HPX: variants seen among roughly 807,000 people sequenced by gnomAD.
HPX encodes the protein beta-1B-glycoprotein.
HPX carries 42 observed loss-of-function variants against 53.8 expected under a neutral mutation model. The ratio of observed to expected loss-of-function variants is 0.78; its 90% CI spans 0.61 to 1.01. HPX has a LOEUF of 1.01. Ranked by LOEUF, HPX falls within the 50% of genes least tolerant of loss-of-function variation. The probability of loss-of-function intolerance (pLI) is 0.00; values close to 1 mark genes in which losing one functional copy is unlikely to be tolerated. For synonymous variants in HPX, 229 were observed against 221.1 expected (o/e 1.04, Z -0.32); for missense variants, 547 against 594.3 (o/e 0.92, Z 0.83).
chr11:6,435,971 C>T (rs1849410825), intron 7 of HPX, among the ~76,000 whole-genome samples: 1 of 152,180 alleles, frequency 6.6e-6, no homozygotes, highest in African/African-American at 2.4e-5. Flanking sequence ...CTCTCTCTCT[C>T]TTTCTGCATT....
intron 3 of HPX, 44 bp from the exon 4 acceptor site, chr11:6,440,330 T>C (rs778949405): frequency 3.1e-6 from 5 of 1,611,692 alleles, no homozygotes; most frequent in South Asian, 1.1e-5. Context: ...GAGAAACCTT[T>C]GACCTACTGA....
Position 6,437,078 on chromosome 11 carries a change from G to A in HPX, c.803C>T (p.Ser268Phe). The change falls in exon 7 of 10, where the codon TCT (serine) becomes TTT (phenylalanine). Residue 268 changes from serine to phenylalanine, a missense_variant. Physicochemically the swap from Ser to Phe is radical, Grantham distance 155. Transcript: ENST00000265983. The part of the protein sequence containing the change: ...SPHLVLSALT[S>F]DNHGATYAFS... The stretch of plus-strand genomic sequence containing the variant: ...GGCATAGGTGGCACCATGGTTGTCA[G>A]ACGTCAGTGCAGACAAGACTAGATG... 1.9e-6 allele frequency: 3 copies of A among 1,614,196 alleles called. No homozygotes were observed. Among genetic ancestry groups the A allele is most frequent in the Non-Finnish European group, 2.5e-6 (3 of 1,180,026 alleles).
Position 6,432,264 on chromosome 11 carries a change from T to G in HPX, c.836-247A>C, listed in dbSNP as rs987348631. On this transcript the variant is annotated intron_variant, in intron 7 of 9. Coordinates refer to ENST00000265983, the MANE Select transcript of HPX (RefSeq NM_000613.3). ...AAGTGTGGAAAACAGTGGCTAAGTT[T>G]CCAGGTAAGGCCAACATCATGGGGT... 3 of 543,464 alleles carry G rather than the reference T, an allele frequency of 5.5e-6. No individual in the cohort carries two copies. In the East Asian group the frequency reaches 9.5e-5, roughly 17 times the overall value. 33.7% of individuals were successfully genotyped at this position (543,464 alleles called of 1,614,324 possible).
At position 6,432,020 on chromosome 11, in the gene HPX, G is replaced by A. The variant is rs1479108522; in HGVS notation, c.836-3C>T. On this transcript the variant is annotated splice_region_variant and splice_polypyrimidine_tract_variant and intron_variant, in intron 7 of 9. Coordinates refer to ENST00000265983, the MANE Select transcript of HPX (RefSeq NM_000613.3). ...GTCCAGACGCCAGTAGTGGGTCCCT[G>A]TGGAATACCATAGGTTGCTCTAGGG... The A allele has an allele frequency of 6.8e-6, 11 of 1,614,152 alleles. No individual in the cohort carries two copies. The highest frequency in any genetic ancestry group is 9.3e-6 in the Non-Finnish European group (11 of 1,180,014).
At chr11:6,438,657 C>A in intron 4 of HPX, 148 bp from the exon 5 acceptor site, 1 of 717,680 alleles carries the variant, frequency 1.4e-6, no homozygotes, top group Non-Finnish European at 2.3e-6. Flanking sequence ...AATGTGCTGT[C>A]CTTTTGCACA....
chr11:6,433,995 T>C (rs1026636779), intron 7 of HPX, among the ~76,000 whole-genome samples: 30 of 152,220 alleles, frequency 2.0e-4, no homozygotes, highest in African/African-American at 4.1e-4. Context: ...TCTATCCCAC[T>C]ATCCTGTCTT....
intron 5 of HPX, 146 bp from the exon 6 acceptor site, chr11:6,437,798 T>C: frequency 3.1e-6 from 2 of 653,922 alleles, no homozygotes; most frequent in South Asian, 1.8e-5. Context: ...AGGGTGATCA[T>C]ACACCAAAAT....
intron 7 of HPX, among the ~76,000 whole-genome samples, chr11:6,436,766 G>A (rs1215550942): frequency 6.6e-6 from 1 of 152,186 alleles, no homozygotes; most frequent in Non-Finnish European, 1.5e-5. Context: ...ATTGAGCAAG[G>A]AGAACACAAG....
intron 7 of HPX, among the ~76,000 whole-genome samples, chr11:6,432,874 C>T (rs994806779): frequency 1.1e-4 from 16 of 152,152 alleles, no homozygotes; most frequent in Non-Finnish European, 2.1e-4. Context: ...CTCACCTAGT[C>T]CAGGGGCTTT....
intron 7 of HPX, 27 bp downstream of exon 7, chr11:6,437,019 A>G: frequency 6.2e-7 from 1 of 1,612,236 alleles, no homozygotes; most frequent in East Asian, 2.2e-5. Flanking sequence ...GTGAGAGCAC[A>G]TTGGGGGAGT....
At chr11:6,440,567 T>TTAAAAAAAA in intron 2 of HPX, 29 bp from the exon 3 acceptor site, 1 of 589,000 alleles carries the variant, frequency 1.7e-6, no homozygotes, top group Non-Finnish European at 2.7e-6. Context: ...GATGGCAAAG[T>TTAAAAAAAA]AAAAAAAAAA....
At position 6,431,901 on chromosome 11, in the gene HPX, G is replaced by A; in HGVS notation, c.952C>T (p.Leu318Phe). ...VDAAFSWEEK[L>F]YLVQGTQVYV... ...CCAATACACACCTGGACCAGATAGA[G>A]TTTTTCTTCCCAGGAAAAGGCAGCA... The change falls in exon 8 of 10, where the codon CTC becomes TTC. Residue 318 changes from leucine to phenylalanine, a missense_variant. By Grantham distance (22) the Leu-to-Phe change is conservative. Coordinates refer to ENST00000265983, the MANE Select transcript of HPX (RefSeq NM_000613.3). The A allele has an allele frequency of 1.2e-6, 2 of 1,614,164 alleles. No individual in the cohort carries two copies. The highest frequency in any genetic ancestry group is 1.7e-6 in the Non-Finnish European group (2 of 1,180,038).
chr11:6,437,324 T>C, intron 6 of HPX, 116 bp downstream of exon 6: 1 of 1,370,880 alleles, frequency 7.3e-7, no homozygotes, highest in East Asian at 2.4e-5. Context: ...TGGGGCTAGA[T>C]TAAGGGCCAA....
rs918699684 is a variant in HPX, at chr11:6,432,222, G to A, written c.836-205C>T. On this transcript the variant is annotated intron_variant, in intron 7 of 9. Coordinates refer to ENST00000265983, the MANE Select transcript of HPX (RefSeq NM_000613.3). ...CCCTGGCTGAAACTGGAATCAGCAG[G>A]TGCCTGAAAGAAAGGCAAGTGTGGA... 1.3e-4 allele frequency: 78 copies of A among 604,772 alleles called. 1 individual carries two copies. Among genetic ancestry groups the A allele is most frequent in the South Asian group, 1.3e-3 (63 of 49,194 alleles). 37.5% of individuals were successfully genotyped at this position (604,772 alleles called of 1,614,324 possible). A position where few individuals can be genotyped will look rare whatever the true frequency, so the allele number is the denominator to read the frequency against.
chr11:6,439,791 T>C, intron 4 of HPX: 1 of 320,854 alleles, frequency 3.1e-6, no homozygotes, highest in Admixed American at 4.2e-5. Flanking sequence ...GATTTCATGC[T>C]CCACATGCTC....
At chr11:6,436,900 G>A (rs1849423885) in intron 7 of HPX, 146 bp downstream of exon 7, 1 of 847,698 alleles carries the variant, frequency 1.2e-6, no homozygotes, top group South Asian at 1.6e-5. Flanking sequence ...TCAGAGATGA[G>A]GGATGCAGAA....
intron 7 of HPX, 22 bp downstream of exon 7, chr11:6,437,024 G>A (rs764663201): frequency 6.2e-7 from 1 of 1,612,770 alleles, no homozygotes; most frequent in South Asian, 1.1e-5. Flanking sequence ...AGCACATTGG[G>A]GGAGTTGGGG....
intron 7 of HPX, among the ~76,000 whole-genome samples, chr11:6,434,896 T>C (rs992818595): frequency 6.6e-6 from 1 of 152,038 alleles, no homozygotes; most frequent in Non-Finnish European, 1.5e-5. Context: ...ATGGTCCACG[T>C]GCAAGCCAAA....
In HPX at chr11:6,437,511, G is replaced by A; in HGVS notation, c.632C>T (p.Pro211Leu). 6.2e-7 allele frequency: 1 copy of A among 1,614,220 alleles called. No homozygotes were observed. The highest frequency in any genetic ancestry group is 8.5e-7 in the Non-Finnish European group (1 of 1,180,036). ...FQGNQFLRFD[P>L]VRGEVPPRYP... Reference sequence around the variant, plus strand: ...CCTGGGAGGCACCTCTCCCCTGACAGGGTCGAAGCGCAGGAATTGGTTACC... The same window carrying A: ...CCTGGGAGGCACCTCTCCCCTGACAAGGTCGAAGCGCAGGAATTGGTTACC... Residue 211 changes from proline to leucine, a missense_variant, in exon 6 of 10, where the codon CCT becomes CTT. Coordinates refer to ENST00000265983, the MANE Select transcript of HPX (RefSeq NM_000613.3).
Sources: gnomAD v4.1 joint callset for allele counts (sites outside exome capture counted in the v4.1 genomes callset) on GRCh38, gnomAD v4.1.1 for gene constraint, MANE v1.5 for transcripts, NCBI Gene and HGNC (gene_info 2026-07-23, HGNC 2026-07-21) for gene names.